The following RNF32 variants were observed in gnomAD, a reference collection of about 807,000 sequenced individuals.
RNF32 encodes the protein ring finger protein 32.
In RNF32, 36 loss-of-function variants were observed where a neutral mutation model predicts 41.0. That is an observed-to-expected ratio of 0.88 (90% confidence interval 0.67 to 1.16). The LOEUF is 1.16. Ranked by LOEUF, RNF32 falls within the 50% of genes most tolerant of loss-of-function variation. The pLI, the probability that RNF32 is intolerant of heterozygous loss-of-function variation, is 0.00. For synonymous variants in RNF32, 154 were observed against 160.9 expected, an observed-to-expected ratio of 0.96 and a Z score of 0.32; for missense variants, 413 against 436.7, an observed-to-expected ratio of 0.95 and a Z score of 0.48.
At chr7:156,668,041 T>C (rs1211190672) in intron 7 of RNF32, among the ~76,000 whole-genome samples, 1 of 152,232 alleles carries the variant, frequency 6.6e-6, no homozygotes, top group Non-Finnish European at 1.5e-5. Flanking sequence ...ATTTGAGGCA[T>C]ATATTTGCTC....
chr7:156,644,486 T>A lies in RNF32; in HGVS notation c.16-13T>A. ...AATACTCCTCTAAATATGACTTTTT[T>A]CCTACTTTTTAGGGTCACTCATCTA... On this transcript the variant is annotated splice_polypyrimidine_tract_variant and intron_variant, in intron 2 of 8. Coordinates refer to ENST00000317955, the MANE Select transcript of RNF32 (RefSeq NM_030936.4). The A allele has an allele frequency of 1.3e-6, 2 of 1,598,736 alleles. No homozygotes were observed. The highest frequency in any genetic ancestry group is 1.7e-6 in the Non-Finnish European group (2 of 1,170,606).
chr7:156,651,051 T>C (rs1452079763), intron 3 of RNF32, among the ~76,000 whole-genome samples: 1 of 152,194 alleles, frequency 6.6e-6, no homozygotes, highest in African/African-American at 2.4e-5. Context: ...TTGTAGCTGC[T>C]TGATTCTTAT....
At chr7:156,660,594 C>T (rs1324704350) in intron 7 of RNF32, among the ~76,000 whole-genome samples, 2 of 152,140 alleles carry the variant, frequency 1.3e-5, no homozygotes, top group African/African-American at 4.8e-5. Context: ...AGCGAACCTC[C>T]CACCTCAGCC....
upstream of RNF32, chr7:156,640,564 G>A (rs1034421095): frequency 5.0e-6 from 2 of 398,386 alleles, no homozygotes; most frequent in Non-Finnish European, 9.8e-6. Flanking sequence ...GCCGTGCGCG[G>A]GGCGGGGGCC....
chr7:156,652,476 T>C (rs1798874726), intron 3 of RNF32, among the ~76,000 whole-genome samples: 1 of 146,746 alleles, frequency 6.8e-6, no homozygotes, highest in Non-Finnish European at 1.5e-5. Context: ...ACCGGTCCCT[T>C]GATTTTCTTA....
intron 6 of RNF32, 59 bp downstream of exon 6, chr7:156,658,311 C>G (rs1326631807): frequency 8.1e-6 from 13 of 1,596,184 alleles, no homozygotes; most frequent in Middle Eastern, 1.7e-4. Flanking sequence ...TGACAACTAA[C>G]TTGTTTTTTG....
At chr7:156,660,058 T>C in intron 7 of RNF32, 1 of 985,772 alleles carries the variant, frequency 1.0e-6, no homozygotes, top group South Asian at 4.7e-5. Flanking sequence ...ACAAATACTG[T>C]TTTTTGTTTT....
chr7:156,654,832 T>A, intron 4 of RNF32, 114 bp downstream of exon 4: 1 of 939,308 alleles, frequency 1.1e-6, no homozygotes, highest in Non-Finnish European at 1.6e-6. Flanking sequence ...TCCTCCTGTG[T>A]GAGCCTCACA....
At chr7:156,675,634 C>A in intron 7 of RNF32, 62 bp from the exon 8 acceptor site, 1 of 1,438,804 alleles carries the variant, frequency 7.0e-7, no homozygotes, top group Non-Finnish European at 9.7e-7. Flanking sequence ...GGCTCGAGAG[C>A]GCTTCCCTGC....
At chr7:156,663,523 T>C (rs1373936606) in intron 7 of RNF32, among the ~76,000 whole-genome samples, 2 of 152,118 alleles carry the variant, frequency 1.3e-5, no homozygotes, top group African/African-American at 4.8e-5. Context: ...GTCCACTTAC[T>C]TTATATAAAT....
intron 3 of RNF32, chr7:156,646,372 C>T (rs1212016548): frequency 7.1e-6 from 9 of 1,269,574 alleles, no homozygotes; most frequent in East Asian, 5.6e-5. Flanking sequence ...CTTGTGGCAG[C>T]GTCACTCCAA....
rs560474275 is a variant in RNF32 at position 156,669,845 on chromosome 7, C to G, written c.685-5851C>G. 5.3e-5 allele frequency among the ~76,000 whole-genome samples: 8 copies of G among 152,154 alleles called. No individual in the cohort carries two copies. Among genetic ancestry groups the G allele is most frequent in the Admixed American group, 3.9e-4 (6 of 15,280 alleles). ...TAACCAGATGAGACGTGCAGTTGGGCCTGCAGCACGCAGGGCTTGGGGACT... is the reference window on the plus strand; with the variant it reads ...TAACCAGATGAGACGTGCAGTTGGGGCTGCAGCACGCAGGGCTTGGGGACT... On this transcript the variant is annotated intron_variant, in intron 7 of 8. Transcript: ENST00000317955. The surrounding 1 kb of genome is among the most constrained non-coding windows in gnomAD (Gnocchi z 4.2).
upstream of RNF32, chr7:156,640,588 A>AGTGTG (rs1277373755): frequency 4.9e-6 from 2 of 408,970 alleles, no homozygotes; most frequent in African/African-American, 4.5e-5. Flanking sequence ...GAGCATGCGC[A>AGTGTG]GTGTGGTGTG....
At chr7:156,654,956 G>A (rs1439289445) in intron 4 of RNF32, 2 of 363,138 alleles carry the variant, frequency 5.5e-6, no homozygotes, top group Non-Finnish European at 1.0e-5. Flanking sequence ...TGTACAAAAG[G>A]AATGTTTCTG....
At chr7:156,660,728 T>C (rs1309106078) in intron 7 of RNF32, among the ~76,000 whole-genome samples, 2 of 152,200 alleles carry the variant, frequency 1.3e-5, no homozygotes, top group Non-Finnish European at 2.9e-5. Flanking sequence ...CTCTGTAAAG[T>C]ATTTTAAAGA....
intron 7 of RNF32, among the ~76,000 whole-genome samples, chr7:156,674,771 T>C (rs1803428559): frequency 6.6e-6 from 1 of 152,222 alleles, no homozygotes; most frequent in Non-Finnish European, 1.5e-5. Flanking sequence ...TCAGATACAA[T>C]ATTAAAATTA....
chr7:156,645,604 T>A (rs961730210), intron 3 of RNF32, among the ~76,000 whole-genome samples: 2 of 152,188 alleles, frequency 1.3e-5, no homozygotes, highest in Admixed American at 6.5e-5. Context: ...AAGACATCAG[T>A]GTGACAGAGA....
chr7:156,653,386 C>T (rs930067983), intron 3 of RNF32, among the ~76,000 whole-genome samples: 10 of 152,160 alleles, frequency 6.6e-5, no homozygotes, highest in African/African-American at 1.2e-4. Flanking sequence ...ATGACGAAAT[C>T]GCCTAACAGC....
Position 156,669,261 on chromosome 7 carries a change from G to GCTGCAGGGCACGCTTC in RNF32, c.685-6426_685-6411dup, listed in dbSNP as rs796140919. The GCTGCAGGGCACGCTTC allele has an allele frequency of 2.2e-4, 34 of 152,390 alleles. No homozygotes were observed. Among genetic ancestry groups the GCTGCAGGGCACGCTTC allele is most frequent in the African/African-American group, 7.7e-4 (32 of 41,586 alleles). 9.4% of individuals were successfully genotyped at this position (152,390 alleles called of 1,614,324 possible). On this transcript the variant is annotated intron_variant, in intron 7 of 8. Coordinates refer to ENST00000317955, the MANE Select transcript of RNF32 (RefSeq NM_030936.4). This position sits in a 1 kb window ranked among gnomAD's most constrained non-coding sequence, Gnocchi z 4.2. ...GAGGCCGCTCGGGTGGTTCGCGCCT[G>GCTGCAGGGCACGCTTC]CTGCAGGGCACGCTTCCTGCAGGGA...
Sources: allele counts gnomAD v4.1 joint callset (sites outside exome capture counted in the v4.1 genomes callset), GRCh38; gene constraint gnomAD v4.1.1; non-coding constraint Gnocchi (gnomAD v3.1); transcripts MANE v1.5; gene names NCBI Gene and HGNC (gene_info 2026-07-23, HGNC 2026-07-21).